Variants in BCAS3 observed in about 807,000 individuals in gnomAD.
The protein encoded by BCAS3 is BCAS3 microtubule associated cell migration factor.
Under a neutral mutation model 116.1 loss-of-function variants are expected in BCAS3, and 53 were observed. The ratio of observed to expected loss-of-function variants is 0.46; its 90% CI spans 0.37 to 0.57. The LOEUF (loss-of-function observed/expected upper bound fraction) is 0.57, where lower values mean the gene tolerates loss of function less well. Among genes scored for constraint, BCAS3 ranks in the 20% least tolerant of loss-of-function variants. The pLI, the probability that BCAS3 is intolerant of heterozygous loss-of-function variation, is 0.00. For synonymous variants in BCAS3, 391 were observed against 408.2 expected (o/e 0.96, Z 0.51); for missense variants, 917 against 1,165.4 (o/e 0.79, Z 3.10).
intron 5 of BCAS3, among the ~76,000 whole-genome samples, chr17:60,725,659 A>T (rs916394866): frequency 6.6e-6 from 1 of 152,100 alleles, no homozygotes; most frequent in African/African-American, 2.4e-5. Context: ...GAAGCCAGAG[A>T]TACTGCTACA....
rs1437729329 is a variant in BCAS3 at position 61,333,651 on chromosome 17, C to T, written c.2426-34676C>T. ...TTTTTTTTTTTTTGAGACAGAGTCT[C>T]GCTCTGTCGCCTAGGCTGGAGTGCA... On this transcript the variant is annotated intron_variant, in intron 22 of 23. Coordinates refer to ENST00000407086, the MANE Select transcript of BCAS3 (RefSeq NM_017679.5). This position sits in a 1 kb window ranked among gnomAD's most constrained non-coding sequence, Gnocchi z 4.8. Among the ~76,000 whole-genome samples the T allele has an allele frequency of 3.4e-5, 5 of 148,456 alleles. No individual in the cohort carries two copies. The highest frequency in any genetic ancestry group is 6.7e-5 in the Admixed American group (1 of 14,832).
chr17:61,051,883 A>G lies in BCAS3; in HGVS notation c.2029+10991A>G, dbSNP rs1008154025. ...TATAAAGGGAAAAGATCTGAAATCA[A>G]TGACCTCAGCTTCCACATTGAGAAA... is the stretch of plus-strand genomic sequence containing the variant. On this transcript the variant is annotated intron_variant, in intron 19 of 23. Coordinates refer to ENST00000407086, the MANE Select transcript of BCAS3 (RefSeq NM_017679.5). This position sits in a 1 kb window ranked among gnomAD's most constrained non-coding sequence, Gnocchi z 4.1. 1.3e-5 allele frequency among the ~76,000 whole-genome samples: 2 copies of G among 152,236 alleles called. No individual in the cohort carries two copies. The highest frequency in any genetic ancestry group is 2.4e-5 in the African/African-American group (1 of 41,460).
intron 22 of BCAS3, among the ~76,000 whole-genome samples, chr17:61,114,332 A>G (rs1484849891): frequency 2.1e-5 from 3 of 143,366 alleles, no homozygotes; most frequent in African/African-American, 7.7e-5. Context: ...TTGTATATCT[A>G]GAAAACCCCA....
At position 61,215,880 on chromosome 17, in the gene BCAS3, AC is replaced by A. The variant is rs2081754147; in HGVS notation, c.2425+131317del. On this transcript the variant is annotated intron_variant, in intron 22 of 23. Transcript: ENST00000407086. The surrounding 1 kb of genome is among the most constrained non-coding windows in gnomAD (Gnocchi z 4.8). The stretch of plus-strand genomic sequence containing the variant: ...CAGACTCCCTGAGTAATTCTAGTGT[AC>A]AGCCAGATTTGAAAACCTTTGTCTT... Among the ~76,000 whole-genome samples, 2 of 152,224 alleles carry A rather than the reference AC, an allele frequency of 1.3e-5. No homozygotes were observed. Among genetic ancestry groups the A allele is most frequent in the African/African-American group, 4.8e-5 (2 of 41,468 alleles).
At chr17:60,938,147 G>A (rs1308814603) in intron 13 of BCAS3, among the ~76,000 whole-genome samples, 1 of 152,082 alleles carries the variant, frequency 6.6e-6, no homozygotes, top group African/African-American at 2.4e-5. Context: ...GCCAGCCTTG[G>A]CCTCCCAAAG....
In BCAS3 at chr17:61,017,155, A is replaced by T. The variant is rs1295727580; in HGVS notation, c.1637+1254A>T. On this transcript the variant is annotated intron_variant, in intron 16 of 23. Transcript: ENST00000407086. The surrounding 1 kb of genome is among the most constrained non-coding windows in gnomAD (Gnocchi z 4.7). ...AAGTATAATTTTAAATTGGATTTCA[A>T]CTTTCTCTTCCTCTGTTAGTTTATT... 2 of 152,184 alleles carry T rather than the reference A, an allele frequency of 1.3e-5. No homozygotes were observed. Among genetic ancestry groups the T allele is most frequent in the Non-Finnish European group, 2.9e-5 (2 of 68,014 alleles). 9.4% of individuals were successfully genotyped at this position (152,184 alleles called of 1,614,324 possible). A position where few individuals can be genotyped will look rare whatever the true frequency, so the allele number is the denominator to read the frequency against.
chr17:61,002,270 G>A (rs1187639629), intron 15 of BCAS3, among the ~76,000 whole-genome samples: 1 of 151,910 alleles, frequency 6.6e-6, no homozygotes, highest in Non-Finnish European at 1.5e-5. Context: ...TCTTTTCTCT[G>A]TAAGTTTTGC....
In BCAS3 at chr17:61,286,529, T is replaced by C. The variant is rs2051804931; in HGVS notation, c.2426-81798T>C. Among the ~76,000 whole-genome samples the C allele has an allele frequency of 1.3e-5, 2 of 152,158 alleles. No homozygotes were observed. The highest frequency in any genetic ancestry group is 4.8e-5 in the African/African-American group (2 of 41,436). ...TCCAGATTTTCTCACGTTAGCATGCTGCTGCTTGGTGCACGACCAAAAAGT... is the reference window on the plus strand; with the variant it reads ...TCCAGATTTTCTCACGTTAGCATGCCGCTGCTTGGTGCACGACCAAAAAGT... On this transcript the variant is annotated intron_variant, in intron 22 of 23. Coordinates refer to ENST00000407086, the MANE Select transcript of BCAS3 (RefSeq NM_017679.5). This position sits in a 1 kb window ranked among gnomAD's most constrained non-coding sequence, Gnocchi z 4.8.
rs534104302 is a variant in BCAS3, at chr17:61,189,324, T to G, written c.2425+104760T>G. ...CAGTAGCAAGAGAAGCCATGGTATA[T>G]TCAAAGAGCTCATAAGGAGGTTGAC... On this transcript the variant is annotated intron_variant, in intron 22 of 23. Transcript: ENST00000407086. The surrounding 1 kb of genome is among the most constrained non-coding windows in gnomAD (Gnocchi z 4.5). 6.6e-6 allele frequency among the ~76,000 whole-genome samples: 1 copy of G among 152,136 alleles called. No individual in the cohort carries two copies. The highest frequency in any genetic ancestry group is 2.4e-5 in the African/African-American group (1 of 41,430).
rs1212659828 is a variant in BCAS3, at chr17:61,224,926, T to C, written c.2425+140362T>C. Among the ~76,000 whole-genome samples the C allele has an allele frequency of 6.6e-6, 1 of 152,224 alleles. No homozygotes were observed. Among genetic ancestry groups the C allele is most frequent in the Non-Finnish European group, 1.5e-5 (1 of 68,030 alleles). On this transcript the variant is annotated intron_variant, in intron 22 of 23. Transcript: ENST00000407086. This position sits in a 1 kb window ranked among gnomAD's most constrained non-coding sequence, Gnocchi z 5.7. ...CTAGAACATTTGGAACCCATTCTTC[T>C]GTTCTCCTGTCTTTGGTTTTATGCA...
rs566314068 is a variant in BCAS3 at position 60,783,106 on chromosome 17, T to A, written c.404-24898T>A. Reference sequence around the variant, plus strand: ...TATATATTTGTTCAAACCCACAGAATGTATGCAACTGCAAGAATGAACCCT... The same window carrying A: ...TATATATTTGTTCAAACCCACAGAAAGTATGCAACTGCAAGAATGAACCCT... On this transcript the variant is annotated intron_variant, in intron 6 of 23. Transcript: ENST00000407086. Among the ~76,000 whole-genome samples the A allele has an allele frequency of 2.0e-5, 3 of 152,342 alleles. No homozygotes were observed. In the East Asian group the frequency reaches 5.8e-4, roughly 29 times the overall value.
rs982287121 is a variant in BCAS3 at position 61,250,257 on chromosome 17, G to C, written c.2426-118070G>C. Among the ~76,000 whole-genome samples, 15 of 152,244 alleles carry C rather than the reference G, an allele frequency of 9.9e-5. No homozygotes were observed. In the East Asian group the frequency reaches 2.9e-3, roughly 29 times the overall value. On this transcript the variant is annotated intron_variant, in intron 22 of 23. Transcript: ENST00000407086. ...TGAAGTAAAAGGTTACCAAAGGGAG[G>C]ATAGGGAAGAAAACCTAATTACCAA...
At chr17:61,250,376 C>T (rs1330172237) in intron 22 of BCAS3, among the ~76,000 whole-genome samples, 1 of 152,152 alleles carries the variant, frequency 6.6e-6, no homozygotes, top group Non-Finnish European at 1.5e-5. Flanking sequence ...ACCTGCTAAG[C>T]CATTGAAAGG....
At chr17:60,731,898 C>T (rs912793966) in intron 5 of BCAS3, among the ~76,000 whole-genome samples, 12 of 151,572 alleles carry the variant, frequency 7.9e-5, no homozygotes, top group Non-Finnish European at 1.3e-4. Context: ...CCCATCTCAG[C>T]CTCCCAAGTA....
intron 13 of BCAS3, among the ~76,000 whole-genome samples, chr17:60,945,348 C>T (rs1340072093): frequency 1.3e-5 from 2 of 152,096 alleles, no homozygotes; most frequent in East Asian, 1.9e-4. Flanking sequence ...ATACAGTTCC[C>T]TCAAAATCCT....
rs951294362 is a variant in BCAS3 at position 61,244,403 on chromosome 17, A to G, written c.2426-123924A>G. On this transcript the variant is annotated intron_variant, in intron 22 of 23. Coordinates refer to ENST00000407086, the MANE Select transcript of BCAS3 (RefSeq NM_017679.5). This position sits in a 1 kb window ranked among gnomAD's most constrained non-coding sequence, Gnocchi z 4.9. Reference sequence around the variant, plus strand: ...TTCCTTTGCTTTTTTACTTAGCACTATATTGTGAATATCATGAACAAAGAC... The same window carrying G: ...TTCCTTTGCTTTTTTACTTAGCACTGTATTGTGAATATCATGAACAAAGAC... Among the ~76,000 whole-genome samples, 5 of 152,182 alleles carry G rather than the reference A, an allele frequency of 3.3e-5. No individual in the cohort carries two copies. The highest frequency in any genetic ancestry group is 5.9e-5 in the Non-Finnish European group (4 of 68,036).
intron 15 of BCAS3, among the ~76,000 whole-genome samples, chr17:60,997,664 A>G (rs1600328408): frequency 1.3e-5 from 2 of 152,276 alleles, no homozygotes; most frequent in East Asian, 1.9e-4. Flanking sequence ...TTCCAGCTTC[A>G]ATACCATGTT....
chr17:61,269,951 G>A (rs1021567404), intron 22 of BCAS3, among the ~76,000 whole-genome samples: 14 of 151,388 alleles, frequency 9.2e-5, no homozygotes, highest in Admixed American at 3.3e-4. Context: ...TTACAGGCAC[G>A]TGCCACCACG....
intron 19 of BCAS3, among the ~76,000 whole-genome samples, chr17:61,071,538 C>T (rs1368438692): frequency 6.6e-6 from 1 of 152,136 alleles, no homozygotes; most frequent in Non-Finnish European, 1.5e-5. Flanking sequence ...TTATTTCTAA[C>T]AAGCTCTGCG....
Sources: gnomAD v4.1 joint callset for allele counts (sites outside exome capture counted in the v4.1 genomes callset) on GRCh38, gnomAD v4.1.1 for gene constraint, Gnocchi (gnomAD v3.1) non-coding constraint, MANE v1.5 for transcripts, NCBI Gene and HGNC (gene_info 2026-07-23, HGNC 2026-07-21) for gene names.